Variants in PDE6B observed in about 807,000 individuals in gnomAD.
PDE6B encodes rod cGMP-specific 3',5'-cyclic phosphodiesterase subunit beta.
A neutral mutation model predicts 109.0 loss-of-function variants in PDE6B; 106 were observed. That is an observed-to-expected ratio of 0.97 (90% CI 0.83 to 1.14). PDE6B has a LOEUF of 1.14. Ranked by LOEUF, PDE6B falls within the 50% of genes most tolerant of loss-of-function variation. PDE6B has a pLI of 0.00. For synonymous variants in PDE6B, 490 were observed against 471.3 expected (o/e 1.04, Z -0.51); for missense variants, 1,193 against 1,155.6 (o/e 1.03, Z -0.47).
chr4:660,757 C>T, intron 12 of PDE6B, 144 bp downstream of exon 12: 2 of 731,738 alleles, frequency 2.7e-6, no homozygotes, highest in East Asian at 2.7e-5. Flanking sequence ...TTTAGAGGGC[C>T]GACATGTTCA....
At chr4:659,826 C>T (rs759981277) in intron 11 of PDE6B, among the ~76,000 whole-genome samples, 1 of 152,122 alleles carries the variant, frequency 6.6e-6, no homozygotes, top group Non-Finnish European at 1.5e-5. Context: ...CTCCTAGAGA[C>T]GATTGCTGGA....
intron 3 of PDE6B, 181 bp from the exon 4 acceptor site, chr4:653,671 G>C (rs537897576): frequency 1.4e-6 from 1 of 723,426 alleles, no homozygotes; most frequent in Admixed American, 2.2e-5. Flanking sequence ...GGCCCCACAA[G>C]CTCAGATGAA....
At chr4:650,887 T>C (rs574154995) in intron 3 of PDE6B, among the ~76,000 whole-genome samples, 1 of 152,304 alleles carries the variant, frequency 6.6e-6, no homozygotes, top group African/African-American at 2.4e-5. Context: ...CTTCAGTCAG[T>C]TGCTGTGTGC....
At chr4:653,819 G>C in intron 3 of PDE6B, 33 bp from the exon 4 acceptor site, 1 of 1,612,622 alleles carries the variant, frequency 6.2e-7, no homozygotes, top group Non-Finnish European at 8.5e-7. Context: ...GGTGGGAGTG[G>C]CCACAGGCCC....
chr4:668,617 C>CA (rs201862699), intron 21 of PDE6B, among the ~76,000 whole-genome samples: 1 of 122,620 alleles, frequency 8.2e-6, no homozygotes, highest in Non-Finnish European at 1.7e-5. Context: ...ATGCTATTCC[C>CA]CTACCCCATG....
intron 3 of PDE6B, among the ~76,000 whole-genome samples, chr4:650,145 G>A (rs909670303): frequency 6.6e-6 from 1 of 152,224 alleles, no homozygotes; most frequent in Non-Finnish European, 1.5e-5. Context: ...CTTGGGGCAG[G>A]AGGGGCCCCC....
chr4:638,632 A>G (rs146809391), intron 3 of PDE6B, among the ~76,000 whole-genome samples: 120 of 152,236 alleles, frequency 7.9e-4, no homozygotes, highest in African/African-American at 2.7e-3. Flanking sequence ...CAGAGTTTTT[A>G]AATATATTTT....
chr4:632,512 C>T (rs1211298925), intron 1 of PDE6B, among the ~76,000 whole-genome samples: 1 of 149,840 alleles, frequency 6.7e-6, no homozygotes, highest in Non-Finnish European at 1.5e-5. Flanking sequence ...ATCCATGTGG[C>T]ACCATCTCTG....
At position 656,854 on chromosome 4, in the gene PDE6B, T is replaced by C; in HGVS notation, c.1108-20T>C. 2 of 1,612,178 alleles carry C rather than the reference T, an allele frequency of 1.2e-6. No individual in the cohort carries two copies. Among genetic ancestry groups the C allele is most frequent in the Non-Finnish European group, 1.7e-6 (2 of 1,179,594 alleles). On this transcript the variant is annotated intron_variant, in intron 8 of 21. Transcript: ENST00000496514. ...GGCCAGCCTCAGGGCGGAGCTCAGC[T>C]CTGGACACCGCTCCCGCAGGAAGGG...
intron 1 of PDE6B, among the ~76,000 whole-genome samples, chr4:632,905 A>G (rs569861899): frequency 7.9e-5 from 12 of 152,278 alleles, no homozygotes; most frequent in Non-Finnish European, 1.5e-4. Context: ...AAGATCAGCA[A>G]CCAGGGAAGG....
rs748723564 is a variant in PDE6B at position 670,216 on chromosome 4, T to G, written c.*109T>G. The G allele has an allele frequency of 6.5e-6, 10 of 1,532,556 alleles. No individual in the cohort carries two copies. The Admixed American group carries it at 1.8e-4, about 27-fold the overall frequency. The allele number at this position is 1,532,556 out of a possible 1,614,324, so 94.9% of individuals were successfully genotyped here. A position where few individuals can be genotyped will look rare whatever the true frequency, so the allele number is the denominator to read the frequency against. ...AGGTTAGGAAGCCCAAGAAAATGAC[T>G]GAAGATCATTCTGGATATTTTAATT... On this transcript the variant is annotated 3_prime_UTR_variant, in exon 22 of 22. Transcript: ENST00000496514.
chr4:626,019 C>G lies in PDE6B; in HGVS notation c.393C>G (p.Val131=), dbSNP rs1032385229. ...DCLVPPDSEI[V]FPLDIGVVGH... is the part of the protein sequence containing the mutation. ...TGGTGCCCCCCGACTCCGAGATCGT[C>G]TTCCCACTGGACATCGGGGTCGTGG... Residue 131 remains valine, a synonymous_variant, in exon 1 of 22, where the codon GTC becomes GTG. Transcript: ENST00000496514. This position sits in a 1 kb window ranked among gnomAD's most constrained non-coding sequence, Gnocchi z 4.6. 1.9e-6 allele frequency: 3 copies of G among 1,594,150 alleles called. No individual in the cohort carries two copies. The highest frequency in any genetic ancestry group is 1.3e-5 in the African/African-American group (1 of 74,678).
chr4:648,854 C>A lies in PDE6B; in HGVS notation c.712-4998C>A, dbSNP rs1029913242. On this transcript the variant is annotated intron_variant, in intron 3 of 21. Coordinates refer to ENST00000496514, the MANE Select transcript of PDE6B (RefSeq NM_000283.4). This position sits in a 1 kb window ranked among gnomAD's most constrained non-coding sequence, Gnocchi z 4.5. The stretch of plus-strand genomic sequence containing the variant: ...CCATGCGTCAGGACCCGGTGGCTCG[C>A]TGCAAGGGCGGAGGAGGTGCCCCGA... Among the ~76,000 whole-genome samples, 1 of 152,380 alleles carries A rather than the reference C, an allele frequency of 6.6e-6. No homozygotes were observed. Among genetic ancestry groups the A allele is most frequent in the African/African-American group, 2.4e-5 (1 of 41,594 alleles).
At chr4:654,034 C>T in intron 4 of PDE6B, 42 bp downstream of exon 4, 2 of 1,613,674 alleles carry the variant, frequency 1.2e-6, no homozygotes, top group Non-Finnish European at 1.7e-6. Context: ...CTGGCCCGAC[C>T]CAGGTCCCGC....
In PDE6B at chr4:663,652, G is replaced by C; in HGVS notation, c.1921-118G>C. 4.0e-6 allele frequency: 3 copies of C among 753,774 alleles called. No homozygotes were observed. 46.7% of individuals were successfully genotyped at this position (753,774 alleles called of 1,614,324 possible). A position where few individuals can be genotyped will look rare whatever the true frequency, so the allele number is the denominator to read the frequency against. ...AGGCGGATTAGGGGTCCCGCCCACC[G>C]AGGGCCCGAGGGCGGGGGCGTGAGA... On this transcript the variant is annotated intron_variant, in intron 15 of 21. Coordinates refer to ENST00000496514, the MANE Select transcript of PDE6B (RefSeq NM_000283.4). This position sits in a 1 kb window ranked among gnomAD's most constrained non-coding sequence, Gnocchi z 4.0.
At chr4:669,995 G>A in intron 21 of PDE6B, 51 bp from the exon 22 acceptor site, 1 of 1,471,648 alleles carries the variant, frequency 6.8e-7, no homozygotes, top group Admixed American at 1.7e-5. Context: ...GAAGGAATAG[G>A]GCTGGTGTGC....
intron 3 of PDE6B, among the ~76,000 whole-genome samples, chr4:643,499 C>A (rs565830074): frequency 6.6e-5 from 10 of 152,160 alleles, no homozygotes; most frequent in African/African-American, 2.2e-4. Flanking sequence ...AACATCTTTC[C>A]TAAATGTTTG....
At chr4:653,191 G>A in intron 3 of PDE6B, 4 of 1,000,478 alleles carry the variant, frequency 4.0e-6, no homozygotes, top group Non-Finnish European at 4.8e-6. Context: ...CAGCGGAGGA[G>A]AGGGAGCTGG....
intron 3 of PDE6B, among the ~76,000 whole-genome samples, chr4:640,575 T>C (rs1734902205): frequency 6.6e-6 from 1 of 152,118 alleles, no homozygotes; most frequent in Non-Finnish European, 1.5e-5. Context: ...TTTTTTTCCC[T>C]CATGGATTGT....
Sources: allele counts gnomAD v4.1 joint callset (sites outside exome capture counted in the v4.1 genomes callset), GRCh38; gene constraint gnomAD v4.1.1; non-coding constraint Gnocchi (gnomAD v3.1); transcripts MANE v1.5; gene names NCBI Gene and HGNC (gene_info 2026-07-23, HGNC 2026-07-21).